OR51E1: variants seen among roughly 807,000 people sequenced by gnomAD.
OR51E1 encodes olfactory receptor family 51 subfamily E member 1.
Under a neutral mutation model 11.5 loss-of-function variants are expected in OR51E1, and 9 were observed. That is an observed-to-expected ratio of 0.78 (90% CI 0.47 to 1.37). OR51E1 has a LOEUF of 1.37. Ranked by LOEUF, OR51E1 falls within the 40% of genes most tolerant of loss-of-function variation. The pLI is 0.00. For synonymous variants in OR51E1, 168 were observed against 158.3 expected, an observed-to-expected ratio of 1.06 and a Z score of -0.46; for missense variants, 397 against 410.2, an observed-to-expected ratio of 0.97 and a Z score of 0.28.
chr11:4,652,423 A>G (rs547086307), intron 1 of OR51E1, 65 bp from the exon 2 acceptor site: 10 of 720,698 alleles, frequency 1.4e-5, no homozygotes, highest in Non-Finnish European at 2.4e-5. Context: ...GTACATCAGG[A>G]TAGAGTCAGG....
rs567567972 is a variant in OR51E1, at chr11:4,652,471, T to C, written c.-39-17T>C. Reference sequence around the variant, plus strand: ...GGATGCTTATGGATCTGACAGTGGCTTATCTTTGCATTCCAGCCTCTACCT... The same window carrying C: ...GGATGCTTATGGATCTGACAGTGGCCTATCTTTGCATTCCAGCCTCTACCT... On this transcript the variant is annotated splice_polypyrimidine_tract_variant and intron_variant, in intron 1 of 1. Transcript: ENST00000396952. The C allele has an allele frequency of 3.3e-5, 40 of 1,202,316 alleles. No individual in the cohort carries two copies. In the South Asian group the frequency reaches 5.2e-4, roughly 16 times the overall value. The allele number at this position is 1,202,316 out of a possible 1,614,324, so 74.5% of individuals were successfully genotyped here.
intron 1 of OR51E1, among the ~76,000 whole-genome samples, chr11:4,651,112 C>T (rs972262210): frequency 6.6e-6 from 1 of 152,166 alleles, no homozygotes; most frequent in African/African-American, 2.4e-5. Flanking sequence ...CCAAGTCTGA[C>T]ATTTTCCACC....
At position 4,653,255 on chromosome 11, in the gene OR51E1, C is replaced by G. The variant is rs144348112; in HGVS notation, c.729C>G (p.Cys243Trp). 4.3e-6 allele frequency: 7 copies of G among 1,613,856 alleles called. No homozygotes were observed. The highest frequency in any genetic ancestry group is 2.7e-5 in the African/African-American group (2 of 74,916). Residue 243 changes from cysteine to tryptophan, a missense_variant, in exon 2 of 2, where the codon TGC (cysteine) becomes TGG (tryptophan). Transcript: ENST00000396952. ...REAQAKAFGTCVSHVCAVFIF... is the reference protein window; with the variant it reads ...REAQAKAFGTWVSHVCAVFIF... ...CCCAGGCCAAGGCATTTGGCACTTG[C>G]GTCTCTCATGTGTGTGCTGTGTTCA...
At chr11:4,647,917 T>C (rs984667311) in intron 1 of OR51E1, among the ~76,000 whole-genome samples, 1 of 152,160 alleles carries the variant, frequency 6.6e-6, no homozygotes, top group Admixed American at 6.5e-5. Flanking sequence ...TCCAAGTTCC[T>C]CCAGAGCTCA....
In OR51E1 at chr11:4,653,264, T is replaced by C. The variant is rs1384826378; in HGVS notation, c.738T>C (p.His246=). The change falls in exon 2 of 2, where the codon CAT becomes CAC. Residue 246 remains histidine (H), a synonymous_variant. Transcript: ENST00000396952. ...QAKAFGTCVS[H]VCAVFIFYVP... ...AGGCATTTGGCACTTGCGTCTCTCATGTGTGTGCTGTGTTCATATTCTATG... is the reference window on the plus strand; with the variant it reads ...AGGCATTTGGCACTTGCGTCTCTCACGTGTGTGCTGTGTTCATATTCTATG... 6.2e-7 allele frequency: 1 copy of C among 1,614,136 alleles called. No homozygotes were observed. The highest frequency in any genetic ancestry group is 1.1e-5 in the South Asian group (1 of 91,076).
At position 4,655,391 on chromosome 11, in the gene OR51E1, C is replaced by G. The variant is rs1847157624; in HGVS notation, c.*1908C>G. On this transcript the variant is annotated 3_prime_UTR_variant, in exon 2 of 2. Coordinates refer to ENST00000396952, the MANE Select transcript of OR51E1 (RefSeq NM_152430.4). ...AGCCTGGATTTCTGAAAAAACTGTG[C>G]AGAGCCAAACCTCTGTCATTTGCAA... 1 of 167,028 alleles carries G rather than the reference C, an allele frequency of 6.0e-6. No individual in the cohort carries two copies. The highest frequency in any genetic ancestry group is 1.5e-5 in the Non-Finnish European group (1 of 68,122). The allele number at this position is 167,028 out of a possible 1,614,324, so 10.3% of individuals were successfully genotyped here.
chr11:4,653,789 G>A lies in OR51E1; in HGVS notation c.*306G>A. On this transcript the variant is annotated 3_prime_UTR_variant, in exon 2 of 2. Coordinates refer to ENST00000396952, the MANE Select transcript of OR51E1 (RefSeq NM_152430.4). ...GTTTACAGCATTCTGAGATAAGAATGGTACATCTAGAGAACATTTGCCAAA... is the reference window on the plus strand; with the variant it reads ...GTTTACAGCATTCTGAGATAAGAATAGTACATCTAGAGAACATTTGCCAAA... 1.2e-5 allele frequency: 3 copies of A among 253,100 alleles called. No homozygotes were observed. Among genetic ancestry groups the A allele is most frequent in the South Asian group, 1.1e-4 (1 of 9,306 alleles). 15.7% of individuals were successfully genotyped at this position (253,100 alleles called of 1,614,324 possible). A position where few individuals can be genotyped will look rare whatever the true frequency, so the allele number is the denominator to read the frequency against.
At position 4,653,628 on chromosome 11, in the gene OR51E1, C is replaced by T. The variant is rs1485226513; in HGVS notation, c.*145C>T. The stretch of plus-strand genomic sequence containing the variant: ...TCAAATATGAAACTGGTTGGGGAAT[C>T]TCCATTTTTTCAATATTATTTTCTT... On this transcript the variant is annotated 3_prime_UTR_variant, in exon 2 of 2. Coordinates refer to ENST00000396952, the MANE Select transcript of OR51E1 (RefSeq NM_152430.4). 1.8e-6 allele frequency: 1 copy of T among 562,178 alleles called. No individual in the cohort carries two copies. Among genetic ancestry groups the T allele is most frequent in the African/African-American group, 1.9e-5 (1 of 52,440 alleles). The allele number at this position is 562,178 out of a possible 1,614,324, so 34.8% of individuals were successfully genotyped here.
At position 4,653,686 on chromosome 11, in the gene OR51E1, C is replaced by A. The variant is rs866323188; in HGVS notation, c.*203C>A. 1.7e-5 allele frequency: 9 copies of A among 522,000 alleles called. No individual in the cohort carries two copies. The highest frequency in any genetic ancestry group is 1.0e-3 in the Middle Eastern group (2 of 1,934). The allele number at this position is 522,000 out of a possible 1,614,324, so 32.3% of individuals were successfully genotyped here. A position where few individuals can be genotyped will look rare whatever the true frequency, so the allele number is the denominator to read the frequency against. ...TTCTTGCTACATATAATTATTAATACCCTGACTAGGTTGTGGTTGGAGGGT... is the reference window on the plus strand; with the variant it reads ...TTCTTGCTACATATAATTATTAATAACCTGACTAGGTTGTGGTTGGAGGGT... On this transcript the variant is annotated 3_prime_UTR_variant, in exon 2 of 2. Coordinates refer to ENST00000396952, the MANE Select transcript of OR51E1 (RefSeq NM_152430.4).
chr11:4,652,903 A>G lies in OR51E1; in HGVS notation c.377A>G (p.Tyr126Cys), dbSNP rs776739543. 2.4e-5 allele frequency: 39 copies of G among 1,612,164 alleles called. No homozygotes were observed. The South Asian group carries it at 3.7e-4, about 15-fold the overall frequency. ...TVLLAMAFDR[Y>C]VAICHPLRHA... is the part of the protein sequence containing the mutation. ...CTGCTGGCCATGGCTTTTGACCGCT[A>G]TGTGGCCATCTGTCACCCACTGCGC... The change falls in exon 2 of 2, where the codon TAT becomes TGT. Residue 126 changes from tyrosine (Y) to cysteine (C), a missense_variant. Coordinates refer to ENST00000396952, the MANE Select transcript of OR51E1 (RefSeq NM_152430.4).
In OR51E1 at chr11:4,655,448, T is replaced by TA. The variant is rs1454295780; in HGVS notation, c.*1967dup. The stretch of plus-strand genomic sequence containing the variant: ...CTTGTATTTGTACGAGGCAGTTGGA[T>TA]AAGTGAAAAATAAAGTACTATTGTG... On this transcript the variant is annotated 3_prime_UTR_variant, in exon 2 of 2. Transcript: ENST00000396952. The TA allele has an allele frequency of 6.0e-6, 1 of 166,100 alleles. No homozygotes were observed. Among genetic ancestry groups the TA allele is most frequent in the African/African-American group, 2.4e-5 (1 of 41,462 alleles). 10.3% of individuals were successfully genotyped at this position (166,100 alleles called of 1,614,324 possible).
chr11:4,651,455 A>G (rs533016645), intron 1 of OR51E1, among the ~76,000 whole-genome samples: 66 of 152,326 alleles, frequency 4.3e-4, no homozygotes, highest in African/African-American at 1.5e-3. Flanking sequence ...TCTGAAGTAC[A>G]AATTGCATCA....
intron 1 of OR51E1, among the ~76,000 whole-genome samples, chr11:4,645,897 A>G (rs934771221): frequency 2.6e-5 from 4 of 152,140 alleles, no homozygotes; most frequent in Non-Finnish European, 2.9e-5. Context: ...AAGAAGAGTG[A>G]CCAACACCTT....
intron 1 of OR51E1, among the ~76,000 whole-genome samples, chr11:4,646,259 A>G (rs969668300): frequency 2.6e-5 from 4 of 152,190 alleles, no homozygotes; most frequent in African/African-American, 9.6e-5. Context: ...CCAGATAGTG[A>G]CACTGACAAT....
chr11:4,652,949 G>C lies in OR51E1; in HGVS notation c.423G>C (p.Leu141Phe), dbSNP rs756784894. 1 of 1,606,678 alleles carries C rather than the reference G, an allele frequency of 6.2e-7. No homozygotes were observed. The highest frequency in any genetic ancestry group is 1.1e-5 in the South Asian group (1 of 89,464). ...HPLRHATVLTLPRVTKIGVAA... is the reference protein window; with the variant it reads ...HPLRHATVLTFPRVTKIGVAA... ...TGCGCCATGCCACAGTACTTACGTT[G>C]CCTCGTGTCACCAAAATTGGTGTGG... Residue 141 changes from leucine (L) to phenylalanine (F), a missense_variant, in exon 2 of 2, where the codon TTG becomes TTC. Leu to Phe is a conservative substitution (Grantham distance 22). Transcript: ENST00000396952.
chr11:4,652,565 A>C lies in OR51E1; in HGVS notation c.39A>C (p.Thr13=). 1 of 1,614,050 alleles carries C rather than the reference A, an allele frequency of 6.2e-7. No individual in the cohort carries two copies. Among genetic ancestry groups the C allele is most frequent in the Non-Finnish European group, 8.5e-7 (1 of 1,179,948 alleles). The change falls in exon 2 of 2, where the codon ACA becomes ACC. Residue 13 remains threonine (T), a synonymous_variant. Coordinates refer to ENST00000396952, the MANE Select transcript of OR51E1 (RefSeq NM_152430.4). ...CCAATGGCAATGAATCCAGTGCTACATACTTCATCCTAATAGGCCTCCCTG... is the reference window on the plus strand; with the variant it reads ...CCAATGGCAATGAATCCAGTGCTACCTACTTCATCCTAATAGGCCTCCCTG... The part of the protein sequence containing the change: ...VDPNGNESSA[T]YFILIGLPGL...
Position 4,654,669 on chromosome 11 carries a change from A to G in OR51E1, c.*1186A>G, listed in dbSNP as rs1419908935. 6.0e-6 allele frequency: 1 copy of G among 167,098 alleles called. No individual in the cohort carries two copies. The highest frequency in any genetic ancestry group is 2.4e-5 in the African/African-American group (1 of 41,436). 10.4% of individuals were successfully genotyped at this position (167,098 alleles called of 1,614,324 possible). ...TGACTCGTAGCTGGAAAGTGAGGGA[A>G]TCTTCAGGACCATGCTTTATTTGGG... On this transcript the variant is annotated 3_prime_UTR_variant, in exon 2 of 2. Coordinates refer to ENST00000396952, the MANE Select transcript of OR51E1 (RefSeq NM_152430.4).
At chr11:4,646,941 T>C (rs1353646454) in intron 1 of OR51E1, among the ~76,000 whole-genome samples, 1 of 152,202 alleles carries the variant, frequency 6.6e-6, no homozygotes, top group Non-Finnish European at 1.5e-5. Context: ...TTTAATGTCT[T>C]GGAGCCTCAG....
chr11:4,650,127 C>A (rs1178621694), intron 1 of OR51E1, among the ~76,000 whole-genome samples: 1 of 152,096 alleles, frequency 6.6e-6, no homozygotes, highest in East Asian at 1.9e-4. Context: ...AATTATGAAC[C>A]TGGATTACAA....
Sources: gnomAD v4.1 joint callset for allele counts (sites outside exome capture counted in the v4.1 genomes callset) on GRCh38, gnomAD v4.1.1 for gene constraint, MANE v1.5 for transcripts, NCBI Gene and HGNC (gene_info 2026-07-23, HGNC 2026-07-21) for gene names.